NWD2: variants seen among roughly 807,000 people sequenced by gnomAD.
NWD2 encodes the protein NACHT and WD repeat domain-containing protein 2.
In NWD2, 37 loss-of-function variants were observed where a neutral mutation model predicts 132.7. The observed-to-expected ratio is 0.28, with a 90% CI of 0.21 to 0.37. NWD2 has a LOEUF of 0.37. Ranked by LOEUF, NWD2 falls within the 10% of genes least tolerant of loss-of-function variation. The pLI is 1.00. For synonymous variants in NWD2, 705 were observed against 803.0 expected (o/e 0.88, Z 2.06); for missense variants, 1,592 against 2,122.4 (o/e 0.75, Z 4.91).
At chr4:37,355,413 A>G (rs959257469) in intron 2 of NWD2, among the ~76,000 whole-genome samples, 8 of 152,212 alleles carry the variant, frequency 5.3e-5, no homozygotes, top group African/African-American at 1.9e-4. Context: ...GTGGGGGCCC[A>G]TAGCCAAGAA....
intron 3 of NWD2, among the ~76,000 whole-genome samples, chr4:37,358,815 C>A (rs942890866): frequency 3.9e-5 from 6 of 152,128 alleles, no homozygotes; most frequent in Non-Finnish European, 8.8e-5. Flanking sequence ...AAGATGAAAT[C>A]ACCTGGCTCA....
chr4:37,264,878 T>G (rs1036658660), intron 1 of NWD2, among the ~76,000 whole-genome samples: 1 of 152,174 alleles, frequency 6.6e-6, no homozygotes, highest in African/African-American at 2.4e-5. Context: ...AAGTAAAATG[T>G]AGAGTCTGCT....
At chr4:37,426,765 C>A (rs1256049538) in intron 3 of NWD2, among the ~76,000 whole-genome samples, 2 of 152,128 alleles carry the variant, frequency 1.3e-5, no homozygotes, top group Non-Finnish European at 2.9e-5. Flanking sequence ...GACCTAGCAA[C>A]CTACATTTTA....
chr4:37,447,548 A>C lies in NWD2; in HGVS notation c.*331A>C. ...GATGAGAGAGGCTAGAGTTATATAC[A>C]GATCATTTGGATGGGAATTAGTTCT... On this transcript the variant is annotated 3_prime_UTR_variant, in exon 7 of 7. Transcript: ENST00000309447. The C allele has an allele frequency of 1.6e-5, 4 of 244,228 alleles. No individual in the cohort carries two copies. Among genetic ancestry groups the C allele is most frequent in the South Asian group, 9.0e-5 (1 of 11,136 alleles). 15.1% of individuals were successfully genotyped at this position (244,228 alleles called of 1,614,324 possible).
intron 1 of NWD2, among the ~76,000 whole-genome samples, chr4:37,258,267 C>CT (rs1717559910): frequency 6.6e-6 from 1 of 152,214 alleles, no homozygotes. Flanking sequence ...AAGTAGTTAA[C>CT]TATTATTGAA....
chr4:37,373,658 A>T (rs1292655377), intron 3 of NWD2, among the ~76,000 whole-genome samples: 1 of 152,174 alleles, frequency 6.6e-6, no homozygotes. Flanking sequence ...CAATCTACTA[A>T]ATATCTATTA....
intron 3 of NWD2, among the ~76,000 whole-genome samples, chr4:37,427,668 C>A (rs769753319): frequency 6.6e-6 from 1 of 152,148 alleles, no homozygotes; most frequent in African/African-American, 2.4e-5. Flanking sequence ...GGGACTTTTG[C>A]AGCCAAAAAG....
In NWD2 at chr4:37,429,651, C is replaced by G. The variant is rs145152756; in HGVS notation, c.358-921C>G. Among the ~76,000 whole-genome samples the G allele has an allele frequency of 5.2e-4, 79 of 152,258 alleles. No homozygotes were observed. In the East Asian group the frequency reaches 7.5e-3, roughly 15 times the overall value. On this transcript the variant is annotated intron_variant, in intron 3 of 6. Coordinates refer to ENST00000309447, the MANE Select transcript of NWD2 (RefSeq NM_001144990.2). ...TTATGTATACCATTTTATAACTTAC[C>G]CTTTTCACTTAACATATACTTGTAA... is the stretch of plus-strand genomic sequence containing the variant.
At chr4:37,424,668 G>A (rs946747971) in intron 3 of NWD2, among the ~76,000 whole-genome samples, 2 of 150,180 alleles carry the variant, frequency 1.3e-5, no homozygotes, top group African/African-American at 4.9e-5. Context: ...TTCCTTTACA[G>A]CTCTCCCATG....
chr4:37,333,692 A>T (rs1165623480), intron 2 of NWD2, among the ~76,000 whole-genome samples: 1 of 152,084 alleles, frequency 6.6e-6, no homozygotes, highest in Non-Finnish European at 1.5e-5. Context: ...TATCAAGACC[A>T]TCCAGGAAAA....
intron 3 of NWD2, among the ~76,000 whole-genome samples, chr4:37,414,832 T>A (rs1437710591): frequency 6.6e-6 from 1 of 152,228 alleles, no homozygotes; most frequent in African/African-American, 2.4e-5. Context: ...TCAGTTACCC[T>A]TCCAATTTCT....
Position 37,442,438 on chromosome 4 carries a change from G to T in NWD2, c.1297-847G>T, listed in dbSNP as rs377197975. Among the ~76,000 whole-genome samples the T allele has an allele frequency of 2.0e-5, 3 of 152,262 alleles. No homozygotes were observed. In the East Asian group the frequency reaches 5.8e-4, roughly 29 times the overall value. On this transcript the variant is annotated intron_variant, in intron 6 of 6. Transcript: ENST00000309447. Reference sequence around the variant, plus strand: ...TAAGAAATGAAAGAATGAAAAGTCAGGTATGACTTCTACTCCAGCTTTGTC... The same window carrying T: ...TAAGAAATGAAAGAATGAAAAGTCATGTATGACTTCTACTCCAGCTTTGTC...
chr4:37,276,262 A>G (rs1027290889), intron 1 of NWD2, among the ~76,000 whole-genome samples: 25 of 152,124 alleles, frequency 1.6e-4, no homozygotes, highest in African/African-American at 5.6e-4. Context: ...AGAAAAAAAC[A>G]AACAACCCCA....
chr4:37,267,087 T>A (rs1392217375), intron 1 of NWD2, among the ~76,000 whole-genome samples: 4 of 151,890 alleles, frequency 2.6e-5, no homozygotes, highest in Admixed American at 2.6e-4. Context: ...ACAAAACTCA[T>A]GTGGTCATAA....
At chr4:37,329,624 A>C (rs969208649) in intron 2 of NWD2, among the ~76,000 whole-genome samples, 1 of 152,190 alleles carries the variant, frequency 6.6e-6, no homozygotes, top group Non-Finnish European at 1.5e-5. Flanking sequence ...CAAAAAAAAA[A>C]ATTAGAACAG....
intron 3 of NWD2, among the ~76,000 whole-genome samples, chr4:37,357,683 G>C (rs543464098): frequency 6.6e-6 from 1 of 152,142 alleles, no homozygotes; most frequent in East Asian, 1.9e-4. Context: ...ACATTCTAAT[G>C]TGGGTGGAAG....
chr4:37,446,447 A>G lies in NWD2; in HGVS notation c.4459A>G (p.Ile1487Val). 6.4e-7 allele frequency: 1 copy of G among 1,551,802 alleles called. No homozygotes were observed. Among genetic ancestry groups the G allele is most frequent in the Non-Finnish European group, 8.7e-7 (1 of 1,147,018 alleles). ...GACCACCATCGTGAATTTTAAATTA[A>G]TCCCTGACTGTCCTGATATCATCGT... ...DGTTIVNFKL[I>V]PDCPDIIVFI... Residue 1487 changes from isoleucine (I) to valine (V), a missense_variant, in exon 7 of 7, where the codon ATC (isoleucine) becomes GTC (valine). By Grantham distance (29) the Ile-to-Val change is conservative (BLOSUM62 3). Transcript: ENST00000309447. This position sits in a 1 kb window ranked among gnomAD's most constrained non-coding sequence, Gnocchi z 6.7.
At chr4:37,316,298 T>C (rs1718955236) in intron 1 of NWD2, among the ~76,000 whole-genome samples, 1 of 152,128 alleles carries the variant, frequency 6.6e-6, no homozygotes, top group East Asian at 1.9e-4. Context: ...TTTTTCAGAC[T>C]ATGTTGTTCT....
intron 3 of NWD2, among the ~76,000 whole-genome samples, chr4:37,425,090 GTCTTTTTACA>G (rs1711956129): frequency 6.6e-6 from 1 of 152,154 alleles, no homozygotes; most frequent in African/African-American, 2.4e-5. Context: ...AAAGTAGAGA[GTCTTTTTACA>G]TTTAAGTTCC....
Sources: allele counts gnomAD v4.1 joint callset (sites outside exome capture counted in the v4.1 genomes callset), GRCh38; gene constraint gnomAD v4.1.1; non-coding constraint Gnocchi (gnomAD v3.1); transcripts MANE v1.5; gene names NCBI Gene and HGNC (gene_info 2026-07-23, HGNC 2026-07-21).